Variants in PRTG observed in about 807,000 individuals in gnomAD.
PRTG encodes the protein immunoglobulin superfamily, DCC subclass, member 5.
A neutral mutation model predicts 122.5 loss-of-function variants in PRTG; 67 were observed. The observed-to-expected ratio is 0.55, with a 90% CI of 0.45 to 0.67. The LOEUF (loss-of-function observed/expected upper bound fraction) is 0.67. Among genes scored for constraint, PRTG ranks in the 30% least tolerant of loss-of-function variants. The pLI is 0.00. For synonymous variants in PRTG, 554 were observed against 501.1 expected (o/e 1.11, Z -1.41); for missense variants, 1,435 against 1,415.4 (o/e 1.01, Z -0.22).
chr15:55,646,173 G>GTTT (rs545958068), intron 11 of PRTG, among the ~76,000 whole-genome samples: 5 of 124,310 alleles, frequency 4.0e-5, no homozygotes, highest in East Asian at 2.4e-4. Flanking sequence ...TGCCCAGCTA[G>GTTT]TTTTTTTTTT....
chr15:55,693,007 A>AG (rs1368093919), intron 2 of PRTG, among the ~76,000 whole-genome samples: 28 of 142,056 alleles, frequency 2.0e-4, no homozygotes, highest in East Asian at 8.2e-4. Context: ...CGGCCAGCTA[A>AG]TTTTTTTTTT....
rs1215907535 is a variant in PRTG, at chr15:55,613,702, A to G, written c.*6310T>C. 6.6e-6 allele frequency: 1 copy of G among 151,972 alleles called. No homozygotes were observed. The highest frequency in any genetic ancestry group is 1.9e-4 in the East Asian group (1 of 5,198). The allele number at this position is 151,972 out of a possible 1,614,324, so 9.4% of individuals were successfully genotyped here. A position where few individuals can be genotyped will look rare whatever the true frequency, so the allele number is the denominator to read the frequency against. On this transcript the variant is annotated 3_prime_UTR_variant, in exon 20 of 20. Transcript: ENST00000389286. ...CCTGGCTTTTGTGGATACAAGGAAAAAACAGTTGTATCTGGTCACACTATG... is the reference window on the plus strand; with the variant it reads ...CCTGGCTTTTGTGGATACAAGGAAAGAACAGTTGTATCTGGTCACACTATG...
intron 15 of PRTG, among the ~76,000 whole-genome samples, chr15:55,630,129 G>A (rs1206757272): frequency 6.6e-6 from 1 of 151,972 alleles, no homozygotes; most frequent in Non-Finnish European, 1.5e-5. Context: ...TGGGACTATA[G>A]GCGCCCGCCA....
intron 2 of PRTG, chr15:55,738,058 C>T (rs2031488447): frequency 1.4e-5 from 1 of 72,682 alleles, no homozygotes; most frequent in Non-Finnish European, 3.4e-5. Flanking sequence ...ACACCACACA[C>T]ACTCTTCCTG....
At chr15:55,669,297 C>T (rs115661307) in intron 11 of PRTG, among the ~76,000 whole-genome samples, 2,421 of 152,158 alleles carry the variant, frequency 0.016, 82 homozygotes, top group African/African-American at 0.056. Context: ...ATTTCCAAGC[C>T]GACTTAGCAA....
intron 4 of PRTG, chr15:55,681,369 G>C (rs547275310): frequency 6.6e-6 from 1 of 152,138 alleles, no homozygotes; most frequent in South Asian, 2.1e-4. Context: ...AAACATTTAT[G>C]TGAAGTTCAA....
rs375255255 is a variant in PRTG, at chr15:55,679,272, G to C, written c.1133+14C>G. 2.2e-4 allele frequency: 353 copies of C among 1,587,814 alleles called. 7 individuals are homozygous for C. In the Middle Eastern group the frequency reaches 5.5e-3, roughly 25 times the overall value. On this transcript the variant is annotated intron_variant, in intron 7 of 19. Coordinates refer to ENST00000389286, the MANE Select transcript of PRTG (RefSeq NM_173814.6). ...ATATCATATATAAAATGGTAGCAAA[G>C]TTACACAGCCTACCTGTTGTACATT...
In PRTG at chr15:55,620,142, G is replaced by A; in HGVS notation, c.3323C>T (p.Ala1108Val). 1 of 1,614,218 alleles carries A rather than the reference G, an allele frequency of 6.2e-7. No homozygotes were observed. The highest frequency in any genetic ancestry group is 8.5e-7 in the Non-Finnish European group (1 of 1,180,044). ...ATTTGCTGAATGTTCTGTATCAGCT[G>A]CAACACCAAAGGGTCTTGAGAAGCT... ...TTSFSRPFGV[A>V]ADTEHSANSE... The change falls in exon 20 of 20, where the codon GCA becomes GTA. Residue 1108 changes from alanine (A) to valine (V), a missense_variant. Coordinates refer to ENST00000389286, the MANE Select transcript of PRTG (RefSeq NM_173814.6).
At chr15:55,709,007 G>A (rs2030262756) in intron 2 of PRTG, among the ~76,000 whole-genome samples, 1 of 151,750 alleles carries the variant, frequency 6.6e-6, no homozygotes, top group South Asian at 2.1e-4. Flanking sequence ...TTAGCTTGGT[G>A]TGGTGGTGCG....
intron 2 of PRTG, among the ~76,000 whole-genome samples, chr15:55,701,308 G>A (rs760440200): frequency 2.6e-4 from 39 of 152,138 alleles, no homozygotes; most frequent in African/African-American, 9.2e-4. Flanking sequence ...AGGCCGAAGC[G>A]GGTGGATCAT....
chr15:55,741,216 T>C (rs1303786735), intron 1 of PRTG, among the ~76,000 whole-genome samples: 1 of 152,250 alleles, frequency 6.6e-6, no homozygotes, highest in Non-Finnish European at 1.5e-5. Context: ...TCTGCCCTTT[T>C]ACAGCAGGGA....
intron 11 of PRTG, among the ~76,000 whole-genome samples, chr15:55,657,935 T>C (rs1021236261): frequency 1.3e-5 from 2 of 152,232 alleles, no homozygotes; most frequent in Non-Finnish European, 2.9e-5. Flanking sequence ...TAAAAGGTTC[T>C]TAATACCATC....
intron 4 of PRTG, 107 bp downstream of exon 4, chr15:55,682,257 A>G (rs1052495520): frequency 2.1e-6 from 2 of 960,238 alleles, no homozygotes; most frequent in Admixed American, 7.1e-5. Context: ...GATTATAATA[A>G]TTTAAATGAA....
chr15:55,638,728 T>C lies in PRTG; in HGVS notation c.2325-52A>G, dbSNP rs185074341. ...AATGCTGGTAGTATAATATTGTTTG[T>C]AAAAGAATGTCAGCATTTCCAAATA... On this transcript the variant is annotated intron_variant, in intron 13 of 19. Coordinates refer to ENST00000389286, the MANE Select transcript of PRTG (RefSeq NM_173814.6). 1.0e-3 allele frequency: 1,547 copies of C among 1,515,662 alleles called. 10 individuals carry two copies. The highest frequency in any genetic ancestry group is 3.6e-3 in the Middle Eastern group (21 of 5,830). The allele number at this position is 1,515,662 out of a possible 1,614,324, so 93.9% of individuals were successfully genotyped here.
intron 2 of PRTG, among the ~76,000 whole-genome samples, chr15:55,724,367 G>A (rs1356373450): frequency 6.6e-6 from 1 of 152,134 alleles, no homozygotes; most frequent in Non-Finnish European, 1.5e-5. Flanking sequence ...CTGTTTGGGT[G>A]AATATAATGT....
At chr15:55,731,366 C>CTTTTTTTTT (rs10658460) in intron 2 of PRTG, among the ~76,000 whole-genome samples, 3 of 103,778 alleles carry the variant, frequency 2.9e-5, no homozygotes, top group East Asian at 2.8e-4. Flanking sequence ...CCTTATCATT[C>CTTTTTTTTT]TTTTTTTTTT....
chr15:55,720,459 G>C (rs2030773280), intron 2 of PRTG, among the ~76,000 whole-genome samples: 2 of 152,110 alleles, frequency 1.3e-5, no homozygotes, highest in Non-Finnish European at 2.9e-5. Flanking sequence ...TGGTTCAAAG[G>C]GTATTTTTCA....
At chr15:55,640,384 T>C (rs926555298) in intron 12 of PRTG, among the ~76,000 whole-genome samples, 2 of 152,232 alleles carry the variant, frequency 1.3e-5, no homozygotes, top group African/African-American at 4.8e-5. Flanking sequence ...TGTGGTCCAT[T>C]GTTGACAGAA....
intron 7 of PRTG, 129 bp from the exon 8 acceptor site, chr15:55,678,173 G>C (rs1169027347): frequency 3.2e-6 from 2 of 624,046 alleles, no homozygotes; most frequent in Admixed American, 6.0e-5. Context: ...AGCATTTGTA[G>C]AACACTGCAG....
Sources: gnomAD v4.1 joint callset for allele counts (sites outside exome capture counted in the v4.1 genomes callset) on GRCh38, gnomAD v4.1.1 for gene constraint, MANE v1.5 for transcripts, NCBI Gene and HGNC (gene_info 2026-07-23, HGNC 2026-07-21) for gene names.